The following GNAI3 variants were observed in gnomAD, a reference collection of about 807,000 sequenced individuals.
GNAI3 encodes the protein guanine nucleotide-binding protein G(i) subunit alpha-3.
In GNAI3, 12 loss-of-function variants were observed where a neutral mutation model predicts 41.8. The ratio of observed to expected loss-of-function variants is 0.29; its 90% CI spans 0.18 to 0.47. The LOEUF (loss-of-function observed/expected upper bound fraction) is 0.47, where lower values mean the gene tolerates loss of function less well. Among genes scored for constraint, GNAI3 ranks in the 20% least tolerant of loss-of-function variants. GNAI3 has a pLI of 1.00. For missense variants in GNAI3, 360 were observed against 429.6 expected (o/e 0.84, Z 1.43); for synonymous variants, 132 against 146.5 (o/e 0.90, Z 0.71).
chr1:109,584,951 C>CA (rs1448497982), intron 5 of GNAI3, among the ~76,000 whole-genome samples: 4 of 152,198 alleles, frequency 2.6e-5, no homozygotes, highest in Non-Finnish European at 4.4e-5. Context: ...TACATCATTT[C>CA]AGGTGTCATG....
chr1:109,579,795 C>A (rs72703297), intron 4 of GNAI3, among the ~76,000 whole-genome samples: 237 of 152,218 alleles, frequency 1.6e-3, no homozygotes, highest in Non-Finnish European at 2.8e-3. Flanking sequence ...TCACTAGTAA[C>A]CCTTTTGCCA....
At position 109,548,616 on chromosome 1, in the gene GNAI3, A is replaced by T; in HGVS notation, c.-105A>T. On this transcript the variant is annotated 5_prime_UTR_variant, in exon 1 of 9. Transcript: ENST00000369851. Reference sequence around the variant, plus strand: ...GTTCTTCTGGGCGCTAAGGGAGCTGACGGAGAGGGCCACCGCCCAGCAATA... The same window carrying T: ...GTTCTTCTGGGCGCTAAGGGAGCTGTCGGAGAGGGCCACCGCCCAGCAATA... 2.8e-6 allele frequency: 2 copies of T among 720,110 alleles called. No individual in the cohort carries two copies. The highest frequency in any genetic ancestry group is 5.3e-5 in the East Asian group (2 of 37,576). The allele number at this position is 720,110 out of a possible 1,614,324, so 44.6% of individuals were successfully genotyped here.
At position 109,577,269 on chromosome 1, in the gene GNAI3, G is replaced by GTTTTTTTTTT. The variant is rs1395067814; in HGVS notation, c.304-1927_304-1926insTTTTTTTTTT. On this transcript the variant is annotated intron_variant, in intron 3 of 8. Coordinates refer to ENST00000369851, the MANE Select transcript of GNAI3 (RefSeq NM_006496.4). ...GGGGCATATAGATCTTAGCTAAGGT[G>GTTTTTTTTTT]TTTTTTTTGTTTTTTTTTTTTTTTT... Among the ~76,000 whole-genome samples the GTTTTTTTTTT allele has an allele frequency of 7.1e-4, 99 of 138,980 alleles. 1 individual carries two copies. Among genetic ancestry groups the GTTTTTTTTTT allele is most frequent in the African/African-American group, 2.6e-3 (96 of 36,796 alleles). The allele number at this position is 138,980 out of a possible 152,430, so 91.2% of individuals were successfully genotyped here. A position where few individuals can be genotyped will look rare whatever the true frequency, so the allele number is the denominator to read the frequency against.
At chr1:109,557,294 C>T (rs1357544151) in intron 1 of GNAI3, among the ~76,000 whole-genome samples, 2 of 152,000 alleles carry the variant, frequency 1.3e-5, no homozygotes, top group Non-Finnish European at 2.9e-5. Flanking sequence ...ATTTTTGAAA[C>T]CTCATAGTAC....
chr1:109,567,875 C>T (rs1337202174), intron 1 of GNAI3, among the ~76,000 whole-genome samples: 1 of 151,808 alleles, frequency 6.6e-6, no homozygotes, highest in Non-Finnish European at 1.5e-5. Flanking sequence ...TGCTTGAAGG[C>T]ACAGAAATAG....
At chr1:109,572,085 A>G (rs541054066) in intron 1 of GNAI3, among the ~76,000 whole-genome samples, 1 of 152,158 alleles carries the variant, frequency 6.6e-6, no homozygotes, top group Non-Finnish European at 1.5e-5. Context: ...AGGCGGGCAG[A>G]TCACCTGAGG....
At chr1:109,589,342 T>G (rs1050540014) in intron 7 of GNAI3, among the ~76,000 whole-genome samples, 22 of 152,334 alleles carry the variant, frequency 1.4e-4, no homozygotes, top group African/African-American at 5.3e-4. Context: ...CCTTTGGAGT[T>G]AACAGTTAGG....
intron 7 of GNAI3, among the ~76,000 whole-genome samples, chr1:109,587,916 G>A (rs1649073633): frequency 6.6e-6 from 1 of 152,152 alleles, no homozygotes; most frequent in Admixed American, 6.5e-5. Flanking sequence ...TCTTAGAATG[G>A]AATTAGAACT....
chr1:109,550,032 G>A (rs1278246149), intron 1 of GNAI3, among the ~76,000 whole-genome samples: 2 of 152,144 alleles, frequency 1.3e-5, no homozygotes, highest in Admixed American at 6.5e-5. Flanking sequence ...AGAAGAATAA[G>A]TAGGAGTAGG....
Position 109,596,760 on chromosome 1 carries a change from G to A in GNAI3, c.*4438G>A, listed in dbSNP as rs893817550. On this transcript the variant is annotated 3_prime_UTR_variant, in exon 9 of 9. Transcript: ENST00000369851. The stretch of plus-strand genomic sequence containing the variant: ...ATGTTAAACAGCAGTAGTTACCTGG[G>A]GTACATGGTTAATTTGATTTAGCAG... The A allele has an allele frequency of 6.6e-6, 1 of 152,162 alleles. No homozygotes were observed. Among genetic ancestry groups the A allele is most frequent in the Non-Finnish European group, 1.5e-5 (1 of 68,028 alleles). The allele number at this position is 152,162 out of a possible 1,614,324, so 9.4% of individuals were successfully genotyped here. A position where few individuals can be genotyped will look rare whatever the true frequency, so the allele number is the denominator to read the frequency against.
rs561750400 is a variant in GNAI3, at chr1:109,588,841, C to T, written c.874+1959C>T. 9.1e-4 allele frequency among the ~76,000 whole-genome samples: 139 copies of T among 152,152 alleles called. 1 individual carries two copies. The highest frequency in any genetic ancestry group is 3.0e-3 in the African/African-American group (125 of 41,490). ...CCGGGAGGCGGAGGTTGCGGTGAGC[C>T]GAGATCGCACCACTGCACTCCAGCC... On this transcript the variant is annotated intron_variant, in intron 7 of 8. Transcript: ENST00000369851.
intron 1 of GNAI3, among the ~76,000 whole-genome samples, chr1:109,552,855 G>T (rs1246798932): frequency 1.3e-5 from 2 of 151,882 alleles, no homozygotes; most frequent in Non-Finnish European, 2.9e-5. Context: ...CTGGTATAAT[G>T]GATAAGAGCA....
chr1:109,551,338 A>G (rs1647978872), intron 1 of GNAI3, among the ~76,000 whole-genome samples: 1 of 152,216 alleles, frequency 6.6e-6, no homozygotes, highest in Non-Finnish European at 1.5e-5. Context: ...CCAAAACAGT[A>G]TACAGTTTTC....
intron 1 of GNAI3, 48 bp downstream of exon 1, chr1:109,548,886 C>A: frequency 7.9e-7 from 1 of 1,261,796 alleles, no homozygotes; most frequent in Non-Finnish European, 1.2e-6. Context: ...AGAGCCTAGG[C>A]GCTTGGAAGG....
chr1:109,579,401 C>T (rs530776438), intron 4 of GNAI3, 40 bp downstream of exon 4: 2 of 1,454,738 alleles, frequency 1.4e-6, no homozygotes, highest in Admixed American at 3.6e-5. Flanking sequence ...CAGAGAATAA[C>T]TTGGTGACAC....
intron 1 of GNAI3, among the ~76,000 whole-genome samples, chr1:109,572,078 C>T (rs570785328): frequency 3.6e-4 from 55 of 152,172 alleles, no homozygotes; most frequent in African/African-American, 5.8e-4. Flanking sequence ...GAGGCTGAGG[C>T]GGGCAGATCA....
intron 1 of GNAI3, among the ~76,000 whole-genome samples, chr1:109,568,111 TG>T (rs1353942988): frequency 2.0e-5 from 3 of 152,294 alleles, no homozygotes; most frequent in African/African-American, 7.2e-5. Context: ...CTTGGGGCCT[TG>T]TTTAAAAATT....
Position 109,582,565 on chromosome 1 carries a change from AG to A in GNAI3, c.590+1del, listed in dbSNP as rs762506201. 1 of 1,605,002 alleles carries A rather than the reference AG, an allele frequency of 6.2e-7. No individual in the cohort carries two copies. Among genetic ancestry groups the A allele is most frequent in the South Asian group, 1.1e-5 (1 of 90,880 alleles). On this transcript the variant is annotated splice_donor_variant, in intron 5 of 8. Coordinates refer to ENST00000369851, the MANE Select transcript of GNAI3 (RefSeq NM_006496.4). LOFTEE classifies it high-confidence loss of function. The stretch of plus-strand genomic sequence containing the variant: ...TTCACCTTCAAAGACCTATACTTCA[AG>A]TAAGTCATTAGCCTTTTTGCTAGGT...
rs1199128574 is a variant in GNAI3 at position 109,596,880 on chromosome 1, C to T, written c.*4558C>T. Reference sequence around the variant, plus strand: ...CATTCCTTAGGTGATTTTGATGTAGCCAATCTGGGCCAACATTTGGGGACA... The same window carrying T: ...CATTCCTTAGGTGATTTTGATGTAGTCAATCTGGGCCAACATTTGGGGACA... On this transcript the variant is annotated 3_prime_UTR_variant, in exon 9 of 9. Transcript: ENST00000369851. 1.3e-5 allele frequency: 2 copies of T among 152,170 alleles called. No individual in the cohort carries two copies. The highest frequency in any genetic ancestry group is 1.9e-4 in the East Asian group (1 of 5,208). The allele number at this position is 152,170 out of a possible 1,614,324, so 9.4% of individuals were successfully genotyped here. A position where few individuals can be genotyped will look rare whatever the true frequency, so the allele number is the denominator to read the frequency against.
Sources: allele counts gnomAD v4.1 joint callset (sites outside exome capture counted in the v4.1 genomes callset), GRCh38; gene constraint gnomAD v4.1.1; transcripts MANE v1.5; gene names NCBI Gene and HGNC (gene_info 2026-07-23, HGNC 2026-07-21).